The following IQCH variants were observed in gnomAD, a reference collection of about 807,000 sequenced individuals.
IQCH encodes the protein IQ domain-containing protein H.
In IQCH, 98 loss-of-function variants were observed where a neutral mutation model predicts 117.0. The ratio of observed to expected loss-of-function variants is 0.84; its 90% CI spans 0.71 to 0.99. The LOEUF is 0.99. IQCH is among the 50% of genes least tolerant of loss of function. The pLI, the probability that IQCH is intolerant of heterozygous loss-of-function variation, is 0.00. For missense variants in IQCH, 1,102 were observed against 1,243.8 expected, an observed-to-expected ratio of 0.89 and a Z score of 1.72; for synonymous variants, 412 against 448.2, an observed-to-expected ratio of 0.92 and a Z score of 1.02.
At chr15:67,327,468 A>T (rs1457722775) in intron 4 of IQCH, among the ~76,000 whole-genome samples, 1 of 152,184 alleles carries the variant, frequency 6.6e-6, no homozygotes, top group African/African-American at 2.4e-5. Context: ...TAGAGTCCTT[A>T]TCTGCTCATT....
At chr15:67,421,629 C>A in intron 16 of IQCH, 52 bp downstream of exon 16, 1 of 1,552,348 alleles carries the variant, frequency 6.4e-7, no homozygotes, top group South Asian at 1.1e-5. Flanking sequence ...TGACTCCGCA[C>A]CCTACACACC....
At position 67,358,207 on chromosome 15, in the gene IQCH, C is replaced by CTTTTTTCTTTTTTTTTTTTTT. The variant is rs1969988528; in HGVS notation, c.714+792_714+793insCTTTTTTTTTTTTTTTTTTTT. ...TAACCATCATGAGGCACTTTCTTTT[C>CTTTTTTCTTTTTTTTTTTTTT]TTTTTTTTTTTTTTTGAGATGGAGT... On this transcript the variant is annotated intron_variant, in intron 7 of 20. Coordinates refer to ENST00000335894, the MANE Select transcript of IQCH (RefSeq NM_001031715.3). 1.9e-4 allele frequency among the ~76,000 whole-genome samples: 2 copies of CTTTTTTCTTTTTTTTTTTTTT among 10,450 alleles called. 1 individual carries two copies. The highest frequency in any genetic ancestry group is 3.4e-4 in the Non-Finnish European group (2 of 5,832). 6.9% of individuals were successfully genotyped at this position (10,450 alleles called of 152,430 possible). A position where few individuals can be genotyped will look rare whatever the true frequency, so the allele number is the denominator to read the frequency against.
At position 67,490,535 on chromosome 15, in the gene IQCH, C is replaced by T. The variant is rs962240280; in HGVS notation, c.2861+471C>T. On this transcript the variant is annotated intron_variant, in intron 19 of 20. Transcript: ENST00000335894. The surrounding 1 kb of genome is among the most constrained non-coding windows in gnomAD (Gnocchi z 4.9). ...TTTTATAAAATGACTTTAGATGTGT[C>T]AATGGGGGTTTATAAATATAATTGA... Among the ~76,000 whole-genome samples the T allele has an allele frequency of 6.6e-6, 1 of 152,036 alleles. No homozygotes were observed. Among genetic ancestry groups the T allele is most frequent in the Non-Finnish European group, 1.5e-5 (1 of 68,008 alleles).
chr15:67,489,063 T>C (rs1327155052), intron 18 of IQCH, among the ~76,000 whole-genome samples: 1 of 151,762 alleles, frequency 6.6e-6, no homozygotes, highest in African/African-American at 2.4e-5. Flanking sequence ...AGACGGAGTC[T>C]CGCTCTGTTG....
At position 67,490,078 on chromosome 15, in the gene IQCH, G is replaced by A. The variant is rs1031529792; in HGVS notation, c.2861+14G>A. The A allele has an allele frequency of 1.8e-5, 28 of 1,558,378 alleles. No homozygotes were observed. The highest frequency in any genetic ancestry group is 2.4e-5 in the Non-Finnish European group (27 of 1,143,384). On this transcript the variant is annotated intron_variant, in intron 19 of 20. Transcript: ENST00000335894. This position sits in a 1 kb window ranked among gnomAD's most constrained non-coding sequence, Gnocchi z 4.9. ...GTTGGGAATGTTGTGAGTATGAAGTGTATCTGTGAGTTGCAATAAGCTAAG... is the reference window on the plus strand; with the variant it reads ...GTTGGGAATGTTGTGAGTATGAAGTATATCTGTGAGTTGCAATAAGCTAAG...
In IQCH at chr15:67,417,151, G is replaced by C; in HGVS notation, c.2218+100G>C. ...CCAATTTAAATACTTTGCATCTCCT[G>C]TGTTGGTTTAGAAAAGTGCTCCTAC... On this transcript the variant is annotated intron_variant, in intron 15 of 20. Transcript: ENST00000335894. The surrounding 1 kb of genome is among the most constrained non-coding windows in gnomAD (Gnocchi z 4.3). 9.6e-7 allele frequency: 1 copy of C among 1,039,576 alleles called. No individual in the cohort carries two copies. The highest frequency in any genetic ancestry group is 1.3e-6 in the Non-Finnish European group (1 of 753,072). 64.4% of individuals were successfully genotyped at this position (1,039,576 alleles called of 1,614,324 possible).
At chr15:67,340,783 T>C (rs1426516176) in intron 5 of IQCH, among the ~76,000 whole-genome samples, 1 of 152,212 alleles carries the variant, frequency 6.6e-6, no homozygotes, top group Admixed American at 6.5e-5. Context: ...ATCTAATTTA[T>C]TAATGCCATC....
Position 67,382,790 on chromosome 15 carries a change from C to A in IQCH, c.1373-2146C>A, listed in dbSNP as rs16950880. On this transcript the variant is annotated intron_variant, in intron 10 of 20. Coordinates refer to ENST00000335894, the MANE Select transcript of IQCH (RefSeq NM_001031715.3). ...ACTCCCCCAGTGTTCCTAATTGATA[C>A]CCTTGAAGAAATCATATCATTGTAG... Among the ~76,000 whole-genome samples the A allele has an allele frequency of 1.2e-3, 186 of 152,248 alleles. 2 individuals are homozygous for A. The East Asian group carries it at 0.032, about 26-fold the overall frequency.
rs2083100299 is a variant in IQCH, at chr15:67,472,644, A to G, written c.2677-3052A>G. Among the ~76,000 whole-genome samples, 1 of 152,188 alleles carries G rather than the reference A, an allele frequency of 6.6e-6. No individual in the cohort carries two copies. Among genetic ancestry groups the G allele is most frequent in the Non-Finnish European group, 1.5e-5 (1 of 68,028 alleles). ...TTAATCATCAGAAGACAGAATTTCA[A>G]TGATCTGTTCAAGATCACATACACA... is the stretch of plus-strand genomic sequence containing the variant. On this transcript the variant is annotated intron_variant, in intron 17 of 20. Transcript: ENST00000335894. The surrounding 1 kb of genome is among the most constrained non-coding windows in gnomAD (Gnocchi z 4.3).
rs550210923 is a variant in IQCH, at chr15:67,353,332, CTTCT to C, written c.638-4010_638-4007del. 8.5e-4 allele frequency among the ~76,000 whole-genome samples: 126 copies of C among 147,926 alleles called. 1 individual carries two copies. Among genetic ancestry groups the C allele is most frequent in the African/African-American group, 3.0e-3 (123 of 40,582 alleles). ...ATGACCCAAAATAATTAAAAATTGG[CTTCT>C]TTATTTTTTTATTTTATATTTATTT... On this transcript the variant is annotated intron_variant, in intron 6 of 20. Transcript: ENST00000335894.
intron 4 of IQCH, among the ~76,000 whole-genome samples, chr15:67,319,345 A>G (rs539156848): frequency 1.5e-4 from 23 of 152,328 alleles, no homozygotes; most frequent in African/African-American, 5.3e-4. Flanking sequence ...ATCTGGCACT[A>G]ATTCCTAGGT....
In IQCH at chr15:67,317,633, G is replaced by A. The variant is rs1403942337; in HGVS notation, c.388-19342G>A. The stretch of plus-strand genomic sequence containing the variant: ...ATACCTTGAATTGAAAAGGGACTTC[G>A]TATCTTTTCCTCTTGTTAGATCTCC... On this transcript the variant is annotated intron_variant, in intron 4 of 20. Transcript: ENST00000335894. Among the ~76,000 whole-genome samples, 4 of 151,974 alleles carry A rather than the reference G, an allele frequency of 2.6e-5. No homozygotes were observed. In the East Asian group the frequency reaches 5.8e-4, roughly 22 times the overall value.
rs1596349348 is a variant in IQCH at position 67,424,271 on chromosome 15, A to T, written c.2505+2694A>T. On this transcript the variant is annotated intron_variant, in intron 16 of 20. Coordinates refer to ENST00000335894, the MANE Select transcript of IQCH (RefSeq NM_001031715.3). The surrounding 1 kb of genome is among the most constrained non-coding windows in gnomAD (Gnocchi z 4.9). Reference sequence around the variant, plus strand: ...TTAAATGCTCTTGCCTTTTCTTTTGACCTAGTTAGCCCCTTTTCCAGCCAT... The same window carrying T: ...TTAAATGCTCTTGCCTTTTCTTTTGTCCTAGTTAGCCCCTTTTCCAGCCAT... Among the ~76,000 whole-genome samples the T allele has an allele frequency of 6.6e-6, 1 of 152,012 alleles. No homozygotes were observed. The highest frequency in any genetic ancestry group is 2.4e-5 in the African/African-American group (1 of 41,378).
chr15:67,339,031 T>A (rs1969026414), intron 5 of IQCH, among the ~76,000 whole-genome samples: 1 of 152,238 alleles, frequency 6.6e-6, no homozygotes, highest in South Asian at 2.1e-4. Flanking sequence ...CAATTTATCA[T>A]AATATATTTA....
At position 67,317,075 on chromosome 15, in the gene IQCH, A is replaced by G. The variant is rs566253656; in HGVS notation, c.388-19900A>G. On this transcript the variant is annotated intron_variant, in intron 4 of 20. Coordinates refer to ENST00000335894, the MANE Select transcript of IQCH (RefSeq NM_001031715.3). ...TGAAAACTTCCCCAACTACGTTCAT[A>G]TCTCTAACTTCAGATGTAATGTCCA... Among the ~76,000 whole-genome samples, 366 of 152,366 alleles carry G rather than the reference A, an allele frequency of 2.4e-3. 2 individuals carry two copies. The highest frequency in any genetic ancestry group is 4.3e-3 in the Non-Finnish European group (292 of 68,020).
At chr15:67,259,514 A>G (rs932930830) in intron 1 of IQCH, among the ~76,000 whole-genome samples, 1 of 152,260 alleles carries the variant, frequency 6.6e-6, no homozygotes, top group African/African-American at 2.4e-5. Flanking sequence ...AGTTCTTGCT[A>G]TGTACCAAGC....
In IQCH at chr15:67,261,329, A is replaced by G. The variant is rs1965452871; in HGVS notation, c.109A>G (p.Lys37Glu). 6.3e-6 allele frequency: 10 copies of G among 1,588,958 alleles called. No individual in the cohort carries two copies. The highest frequency in any genetic ancestry group is 7.7e-6 in the Non-Finnish European group (9 of 1,170,282). The stretch of plus-strand genomic sequence containing the variant: ...ATTAACAAAATTCTCACCTGAGGAA[A>G]AAGGAGAGACTCTAGACATTCAGAG... ...EKLTKFSPEE[K>E]GETLDIQSLE... The change falls in exon 2 of 21, where the codon AAA (lysine) becomes GAA (glutamate). Residue 37 changes from lysine to glutamate, a missense_variant. By Grantham distance (56) the Lys-to-Glu change is moderately conservative (BLOSUM62 1). Around this residue, in one of 2 missense-constraint regions of IQCH, gnomAD observed 452 missense variants for 449.6 expected, o/e 1.01. Coordinates refer to ENST00000335894, the MANE Select transcript of IQCH (RefSeq NM_001031715.3).
intron 3 of IQCH, among the ~76,000 whole-genome samples, chr15:67,264,180 G>C (rs1455037756): frequency 6.6e-6 from 1 of 152,200 alleles, no homozygotes; most frequent in African/African-American, 2.4e-5. Flanking sequence ...CCCTTTCCTG[G>C]TCTTCCTATT....
In IQCH at chr15:67,381,952, A is replaced by AGCCT. The variant is rs1443195811; in HGVS notation, c.1373-2982_1373-2979dup. Among the ~76,000 whole-genome samples, 2 of 151,368 alleles carry AGCCT rather than the reference A, an allele frequency of 1.3e-5. No individual in the cohort carries two copies. Among genetic ancestry groups the AGCCT allele is most frequent in the Non-Finnish European group, 2.9e-5 (2 of 67,906 alleles). ...GTCGAGATTGCACCACTGCATTGCC[A>AGCCT]GCCTGGGCAACAGAGTGATACCCTG... On this transcript the variant is annotated intron_variant, in intron 10 of 20. Coordinates refer to ENST00000335894, the MANE Select transcript of IQCH (RefSeq NM_001031715.3). This position sits in a 1 kb window ranked among gnomAD's most constrained non-coding sequence, Gnocchi z 5.1.
Sources: allele counts gnomAD v4.1 joint callset (sites outside exome capture counted in the v4.1 genomes callset), GRCh38; gene constraint gnomAD v4.1.1; regional missense constraint gnomAD v4.1.1; non-coding constraint Gnocchi (gnomAD v3.1); transcripts MANE v1.5; gene names NCBI Gene and HGNC (gene_info 2026-07-23, HGNC 2026-07-21).